PKD1L1: variants seen among roughly 807,000 people sequenced by gnomAD.
PKD1L1 encodes the protein polycystin 1 like 1, transient receptor potential channel interacting.
Under a neutral mutation model 323.4 loss-of-function variants are expected in PKD1L1, and 236 were observed. The ratio of observed to expected loss-of-function variants is 0.73; its 90% confidence interval spans 0.66 to 0.81. The LOEUF (loss-of-function observed/expected upper bound fraction) is 0.81. PKD1L1 is among the 40% of genes least tolerant of loss of function. The pLI is 0.00. For missense variants in PKD1L1, 3,320 were observed against 3,508.0 expected, an observed-to-expected ratio of 0.95 and a Z score of 1.35; for synonymous variants, 1,344 against 1,335.0, an observed-to-expected ratio of 1.01 and a Z score of -0.15.
rs564446003 is a variant in PKD1L1 at position 47,948,380 on chromosome 7, G to C, written c.44+17C>G. 153 of 1,613,908 alleles carry C rather than the reference G, an allele frequency of 9.5e-5. 1 individual carries two copies. In the South Asian group the frequency reaches 1.6e-3, roughly 17 times the overall value. ...AAATCAAGCTTACCAAACCCTCTGA[G>C]AACAGTGATAACTCACCTTTCCTGG... On this transcript the variant is annotated intron_variant, in intron 1 of 56. Transcript: ENST00000289672.
chr7:47,911,504 T>C (rs551463430), intron 8 of PKD1L1, among the ~76,000 whole-genome samples: 2 of 152,326 alleles, frequency 1.3e-5, no homozygotes, highest in African/African-American at 2.4e-5. Flanking sequence ...TGAATATGTA[T>C]CAAAGTTGCA....
chr7:47,852,991 G>C, intron 31 of PKD1L1, 136 bp downstream of exon 31: 1 of 679,102 alleles, frequency 1.5e-6, no homozygotes, highest in Non-Finnish European at 2.6e-6. Context: ...GGAGCAGTTT[G>C]TTTATAAGCA....
At chr7:47,869,568 T>C (rs1039506216) in intron 24 of PKD1L1, among the ~76,000 whole-genome samples, 1 of 152,134 alleles carries the variant, frequency 6.6e-6, no homozygotes, top group African/African-American at 2.4e-5. Flanking sequence ...GTTAAAAAAT[T>C]GTAAACATAT....
chr7:47,783,926 A>G (rs1319741249), intron 56 of PKD1L1, among the ~76,000 whole-genome samples: 1 of 152,230 alleles, frequency 6.6e-6, no homozygotes, highest in East Asian at 1.9e-4. Flanking sequence ...AAGCCAGCCG[A>G]CAGTGTATTT....
At chr7:47,820,772 G>A (rs1785123295) in intron 46 of PKD1L1, among the ~76,000 whole-genome samples, 1 of 151,432 alleles carries the variant, frequency 6.6e-6, no homozygotes, top group African/African-American at 2.4e-5. Context: ...CAGTTATTAC[G>A]AACTGCAACC....
intron 26 of PKD1L1, among the ~76,000 whole-genome samples, chr7:47,863,565 G>A (rs1450691653): frequency 2.0e-5 from 3 of 152,114 alleles, no homozygotes; most frequent in Admixed American, 6.5e-5. Flanking sequence ...GCCTAGAGAA[G>A]AGCGTGTCCC....
At chr7:47,939,567 A>G (rs1274232679) in intron 3 of PKD1L1, among the ~76,000 whole-genome samples, 1 of 152,176 alleles carries the variant, frequency 6.6e-6, no homozygotes, top group African/African-American at 2.4e-5. Flanking sequence ...TCTCCAGGGC[A>G]TTGCCCAGGC....
At chr7:47,928,204 C>A (rs1787690342) in intron 7 of PKD1L1, among the ~76,000 whole-genome samples, 3 of 152,072 alleles carry the variant, frequency 2.0e-5, no homozygotes, top group Admixed American at 2.0e-4. Flanking sequence ...GGACTTTTTA[C>A]TATATAACTT....
Position 47,885,704 on chromosome 7 carries a change from G to A in PKD1L1, c.3187C>T (p.Pro1063Ser). 1 of 1,613,648 alleles carries A rather than the reference G, an allele frequency of 6.2e-7. No homozygotes were observed. The highest frequency in any genetic ancestry group is 8.5e-7 in the Non-Finnish European group (1 of 1,179,794). Residue 1063 changes from proline to serine, a missense_variant, in exon 18 of 57, where the codon CCT becomes TCT. Pro to Ser is a moderately conservative substitution (Grantham distance 74, BLOSUM62 -1). Coordinates refer to ENST00000289672, the MANE Select transcript of PKD1L1 (RefSeq NM_138295.5). ...CACTTACCAGAGAGGTGAGGGTCAG[G>A]GCTGTGGGTGGGCTGACTTCTCTCA... ...RSERSQPTHS[P>S]DPHLSDFEAY...
At chr7:47,901,978 T>A (rs1245464987) in intron 13 of PKD1L1, among the ~76,000 whole-genome samples, 1 of 150,484 alleles carries the variant, frequency 6.6e-6, no homozygotes, top group African/African-American at 2.5e-5. Context: ...AATGTTTCAT[T>A]CTCCTGAAAA....
At chr7:47,929,140 C>G in intron 7 of PKD1L1, 64 bp downstream of exon 7, 1 of 1,499,710 alleles carries the variant, frequency 6.7e-7, no homozygotes, top group Non-Finnish European at 9.1e-7. Flanking sequence ...CCAACACTGC[C>G]TCTTGGGTCC....
At chr7:47,957,859 A>AT in the PKD1L1 span, among the ~76,000 whole-genome samples, 49,063 of 134,138 alleles carry the variant, frequency 0.37, 10,058 homozygotes, top group East Asian at 0.43. Flanking sequence ...ACAATTAAAA[A>AT]AAAATATATA....
chr7:47,815,852 AG>A (rs1158710044), intron 46 of PKD1L1, among the ~76,000 whole-genome samples: 1 of 54,802 alleles, frequency 1.8e-5, no homozygotes, highest in Non-Finnish European at 3.7e-5. Flanking sequence ...AATATGAAGG[AG>A]GAAAAAAAAA....
intron 18 of PKD1L1, 114 bp from the exon 19 acceptor site, chr7:47,884,771 C>T (rs1314486477): frequency 2.4e-6 from 2 of 833,422 alleles, no homozygotes; most frequent in African/African-American, 1.7e-5. Context: ...AGACTCCATA[C>T]ATTGCTCTGT....
At chr7:47,813,828 T>G in intron 48 of PKD1L1, 103 bp downstream of exon 48, 2 of 992,876 alleles carry the variant, frequency 2.0e-6, no homozygotes, top group Non-Finnish European at 3.1e-6. Flanking sequence ...ACCACTGAAC[T>G]CACAGAGAAG....
intron 46 of PKD1L1, among the ~76,000 whole-genome samples, chr7:47,820,875 C>T (rs1324050484): frequency 6.6e-6 from 1 of 152,132 alleles, no homozygotes; most frequent in African/African-American, 2.4e-5. Flanking sequence ...TTCAAATATC[C>T]TTGTTTTGCT....
At chr7:47,825,355 C>T (rs1785221131) in intron 45 of PKD1L1, among the ~76,000 whole-genome samples, 1 of 151,766 alleles carries the variant, frequency 6.6e-6, no homozygotes, top group Admixed American at 6.6e-5. Context: ...CATGGTGAAA[C>T]CCTGTCTCTA....
intron 50 of PKD1L1, among the ~76,000 whole-genome samples, chr7:47,810,338 C>T: frequency 6.6e-6 from 1 of 152,210 alleles, no homozygotes; most frequent in East Asian, 1.9e-4. Flanking sequence ...AAAACTGATC[C>T]TGCCATTGCT....
chr7:47,943,421 G>A lies in PKD1L1; in HGVS notation c.135C>T (p.Ser45=). ...CGACCCACAATCCACCTCCAGGAGG[G>A]CTACAGCTGCACAGATGAAGACCCC... The part of the protein sequence containing the change: ...KSWGLHLCSC[S]PPGGGLWVEV... Residue 45 remains serine, a synonymous_variant, in exon 2 of 57, where the codon AGC becomes AGT. Coordinates refer to ENST00000289672, the MANE Select transcript of PKD1L1 (RefSeq NM_138295.5). 6.2e-7 allele frequency: 1 copy of A among 1,613,208 alleles called. No individual in the cohort carries two copies. Among genetic ancestry groups the A allele is most frequent in the Non-Finnish European group, 8.5e-7 (1 of 1,179,466 alleles).
Sources: gnomAD v4.1 joint callset for allele counts (sites outside exome capture counted in the v4.1 genomes callset) on GRCh38, gnomAD v4.1.1 for gene constraint, MANE v1.5 for transcripts, NCBI Gene and HGNC (gene_info 2026-07-23, HGNC 2026-07-21) for gene names.